The following DENND4A variants were observed in gnomAD, a reference collection of about 807,000 sequenced individuals.
The protein encoded by DENND4A is DENN domain containing 4A.
DENND4A carries 70 observed loss-of-function variants against 199.3 expected under a neutral mutation model. The ratio of observed to expected loss-of-function variants is 0.35; its 90% CI spans 0.29 to 0.43. The LOEUF is 0.43. Among genes scored for constraint, DENND4A ranks in the 20% least tolerant of loss-of-function variants. The pLI is 1.00. For synonymous variants in DENND4A, 686 were observed against 766.9 expected (o/e 0.89, Z 1.74); for missense variants, 1,723 against 2,255.8 (o/e 0.76, Z 4.78).
Position 65,690,598 on chromosome 15 carries a change from A to C in DENND4A, c.3996T>G (p.Thr1332=). 1 of 1,613,688 alleles carries C rather than the reference A, an allele frequency of 6.2e-7. No homozygotes were observed. The highest frequency in any genetic ancestry group is 1.6e-4 in the Middle Eastern group (1 of 6,062). Residue 1332 remains threonine, a synonymous_variant, in exon 23 of 33, where the codon ACT becomes ACG. Coordinates refer to ENST00000443035, the MANE Select transcript of DENND4A (RefSeq NM_001320835.1). ...RLWSSPAFSP[T]CPFREESQDT... is the part of the protein sequence containing the mutation. ...CCTGAGATTCTTCCCTAAATGGGCA[A>C]GTAGGTGAGAAGGCTGGAGAAGACC...
In DENND4A at chr15:65,661,817, A is replaced by G; in HGVS notation, c.*34T>C. ...TGTTATTTTATACACTGACTATACA[A>G]TATACATTGAATGTTTACACATACA... On this transcript the variant is annotated 3_prime_UTR_variant, in exon 33 of 33. Transcript: ENST00000443035. The G allele has an allele frequency of 6.4e-7, 1 of 1,558,286 alleles. No homozygotes were observed. The highest frequency in any genetic ancestry group is 2.3e-5 in the East Asian group (1 of 43,546).
chr15:65,673,567 C>T (rs533215728), intron 24 of DENND4A, among the ~76,000 whole-genome samples: 11 of 150,528 alleles, frequency 7.3e-5, no homozygotes, highest in African/African-American at 2.7e-4. Context: ...ACACCACCAC[C>T]GGGATACAAT....
intron 7 of DENND4A, among the ~76,000 whole-genome samples, chr15:65,734,459 G>A (rs561934012): frequency 6.6e-5 from 10 of 152,050 alleles, no homozygotes; most frequent in Non-Finnish European, 1.2e-4. Context: ...AAATACTAAG[G>A]GAACTCAGAG....
intron 14 of DENND4A, among the ~76,000 whole-genome samples, chr15:65,712,553 G>A (rs1236202455): frequency 6.6e-6 from 1 of 152,148 alleles, no homozygotes; most frequent in Non-Finnish European, 1.5e-5. Context: ...GATTCCCAAT[G>A]TAGTATGTTT....
chr15:65,664,839 T>C (rs889125853), intron 30 of DENND4A, 117 bp from the exon 31 acceptor site: 2 of 870,092 alleles, frequency 2.3e-6, no homozygotes, highest in Admixed American at 3.3e-5. Flanking sequence ...TTAAGGGCAA[T>C]AGATAAAGAA....
chr15:65,783,921 C>G (rs958729507), intron 1 of DENND4A, among the ~76,000 whole-genome samples: 1 of 152,076 alleles, frequency 6.6e-6, no homozygotes, highest in Admixed American at 6.5e-5. Flanking sequence ...TGAGTGTGGT[C>G]TACAATTAAT....
At chr15:65,705,606 A>G (rs1258435096) in intron 15 of DENND4A, among the ~76,000 whole-genome samples, 2 of 152,196 alleles carry the variant, frequency 1.3e-5, no homozygotes. Context: ...CTGAATTTCC[A>G]TGACTTAAAA....
chr15:65,693,114 T>C (rs2077028856), intron 22 of DENND4A, among the ~76,000 whole-genome samples: 1 of 152,162 alleles, frequency 6.6e-6, no homozygotes, highest in Non-Finnish European at 1.5e-5. Flanking sequence ...ACATGCTAAA[T>C]TACACATGCT....
intron 22 of DENND4A, among the ~76,000 whole-genome samples, chr15:65,692,488 A>G (rs1201532152): frequency 7.2e-5 from 11 of 152,200 alleles, no homozygotes; most frequent in Admixed American, 7.2e-4. Flanking sequence ...TATGCACAGA[A>G]TTAGCTCTCT....
rs1244638829 is a variant in DENND4A, at chr15:65,762,116, T to C, written c.-101-678A>G. Among the ~76,000 whole-genome samples, 3 of 152,102 alleles carry C rather than the reference T, an allele frequency of 2.0e-5. No individual in the cohort carries two copies. The East Asian group carries it at 5.8e-4, about 30-fold the overall frequency. On this transcript the variant is annotated intron_variant, in intron 1 of 32. Coordinates refer to ENST00000443035, the MANE Select transcript of DENND4A (RefSeq NM_001320835.1). ...TCCACCTCCTGGGTTCAAGAGATTC[T>C]CCTGCCTCAGCCTCCCGAGTAGCCG...
At chr15:65,754,257 T>C (rs943839702) in intron 3 of DENND4A, among the ~76,000 whole-genome samples, 15 of 152,366 alleles carry the variant, frequency 9.8e-5, no homozygotes, top group Non-Finnish European at 2.1e-4. Flanking sequence ...AGCAACTGCA[T>C]GAATCCTAAT....
intron 14 of DENND4A, among the ~76,000 whole-genome samples, chr15:65,708,997 CAA>C (rs2075149649): frequency 6.6e-6 from 1 of 152,142 alleles, no homozygotes; most frequent in Admixed American, 6.5e-5. Flanking sequence ...ATGCTAAGAT[CAA>C]AAGAGTTAAT....
intron 14 of DENND4A, among the ~76,000 whole-genome samples, chr15:65,710,910 T>C (rs1016414534): frequency 6.6e-6 from 1 of 152,234 alleles, no homozygotes; most frequent in Non-Finnish European, 1.5e-5. Context: ...ACATGTTGGC[T>C]CCCTAGTGGC....
At chr15:65,727,479 T>C (rs1232235809) in intron 11 of DENND4A, among the ~76,000 whole-genome samples, 11 of 149,348 alleles carry the variant, frequency 7.4e-5, no homozygotes, top group Non-Finnish European at 5.9e-5. Context: ...AAAAAAAATT[T>C]AGCCAGGCAT....
chr15:65,768,672 T>C (rs1022389320), intron 1 of DENND4A, among the ~76,000 whole-genome samples: 4 of 152,148 alleles, frequency 2.6e-5, no homozygotes, highest in Admixed American at 1.3e-4. Context: ...CATTTCTGTA[T>C]AGTTTTTCAT....
intron 1 of DENND4A, among the ~76,000 whole-genome samples, chr15:65,762,491 G>C (rs932582853): frequency 6.6e-6 from 1 of 151,986 alleles, no homozygotes. Flanking sequence ...GTGCCAGGCA[G>C]GGTGGCACGT....
In DENND4A at chr15:65,668,417, C is replaced by G. The variant is rs553079219; in HGVS notation, c.4788-294G>C. Reference sequence around the variant, plus strand: ...AGAGATGGGGTTTTGCCATGTTGTCCAGGCTGGTCTCGAACTCCCAGGCTC... The same window carrying G: ...AGAGATGGGGTTTTGCCATGTTGTCGAGGCTGGTCTCGAACTCCCAGGCTC... On this transcript the variant is annotated intron_variant, in intron 27 of 32. Coordinates refer to ENST00000443035, the MANE Select transcript of DENND4A (RefSeq NM_001320835.1). 2.0e-5 allele frequency among the ~76,000 whole-genome samples: 3 copies of G among 152,090 alleles called. 1 individual carries two copies. The highest frequency in any genetic ancestry group is 4.4e-5 in the Non-Finnish European group (3 of 68,008).
intron 24 of DENND4A, among the ~76,000 whole-genome samples, chr15:65,672,090 C>CAATT (rs1177469306): frequency 6.6e-6 from 1 of 152,158 alleles, no homozygotes; most frequent in African/African-American, 2.4e-5. Flanking sequence ...GAAATGTGCT[C>CAATT]TAATTCTGCT....
At chr15:65,710,873 C>G (rs952464932) in intron 14 of DENND4A, among the ~76,000 whole-genome samples, 1 of 152,158 alleles carries the variant, frequency 6.6e-6, no homozygotes, top group Non-Finnish European at 1.5e-5. Flanking sequence ...TTCTACCACT[C>G]TCTCTTGTTC....
Sources: allele counts gnomAD v4.1 joint callset (sites outside exome capture counted in the v4.1 genomes callset), GRCh38; gene constraint gnomAD v4.1.1; transcripts MANE v1.5; gene names NCBI Gene and HGNC (gene_info 2026-07-23, HGNC 2026-07-21).